GBE1: variants seen among roughly 807,000 people sequenced by gnomAD.
GBE1 encodes 1,4-alpha-glucan branching enzyme 1.
In GBE1, 70 loss-of-function variants were observed where a neutral mutation model predicts 88.8. That is an observed-to-expected ratio of 0.79 (90% confidence interval 0.65 to 0.96). GBE1 has a LOEUF of 0.96. GBE1 is among the 40% of genes least tolerant of loss of function. The probability of loss-of-function intolerance (pLI) is 0.00; values close to 1 mark genes in which losing one functional copy is unlikely to be tolerated. For synonymous variants in GBE1, 284 were observed against 300.1 expected, an observed-to-expected ratio of 0.95 and a Z score of 0.56; for missense variants, 872 against 871.0, an observed-to-expected ratio of 1.00 and a Z score of -0.01.
chr3:81,541,719 A>C (rs1216799256), intron 12 of GBE1, among the ~76,000 whole-genome samples: 4 of 152,084 alleles, frequency 2.6e-5, no homozygotes, highest in Non-Finnish European at 1.5e-5. Context: ...ACTTCCCAGC[A>C]TCCAGACTAT....
At chr3:81,589,953 G>GA (rs1025647601) in intron 9 of GBE1, among the ~76,000 whole-genome samples, 28 of 151,930 alleles carry the variant, frequency 1.8e-4, no homozygotes, top group African/African-American at 6.5e-4. Flanking sequence ...TCATGACTGT[G>GA]AAAAAATACT....
At chr3:81,597,082 T>A (rs1359804386) in intron 7 of GBE1, among the ~76,000 whole-genome samples, 1 of 151,894 alleles carries the variant, frequency 6.6e-6, no homozygotes, top group African/African-American at 2.4e-5. Context: ...TAGTAGTAAA[T>A]GAACTGAATC....
At chr3:81,680,876 C>T (rs541805283) in intron 2 of GBE1, among the ~76,000 whole-genome samples, 1 of 152,356 alleles carries the variant, frequency 6.6e-6, no homozygotes, top group East Asian at 1.9e-4. Flanking sequence ...AGGGCTCACA[C>T]CAGAACCCAA....
chr3:81,579,704 T>G (rs1246306278), intron 11 of GBE1, among the ~76,000 whole-genome samples: 2 of 151,956 alleles, frequency 1.3e-5, no homozygotes, highest in Non-Finnish European at 2.9e-5. Context: ...TATTCTTTTC[T>G]AGATTGGGTT....
chr3:81,755,495 AG>A (rs1706589986), intron 1 of GBE1, among the ~76,000 whole-genome samples: 1 of 152,212 alleles, frequency 6.6e-6, no homozygotes, highest in Non-Finnish European at 1.5e-5. Flanking sequence ...AAATAAAATC[AG>A]TATGTTGAAA....
chr3:81,687,608 T>C (rs1352123627), intron 2 of GBE1, among the ~76,000 whole-genome samples: 2 of 151,978 alleles, frequency 1.3e-5, no homozygotes, highest in Non-Finnish European at 2.9e-5. Flanking sequence ...AGGCTCGGGG[T>C]GTGCAAATGA....
chr3:81,647,206 C>T (rs1704777817), intron 5 of GBE1, among the ~76,000 whole-genome samples: 1 of 152,130 alleles, frequency 6.6e-6, no homozygotes, highest in African/African-American at 2.4e-5. Flanking sequence ...GATCCACCCA[C>T]CTCAGCCTCC....
chr3:81,696,284 A>G (rs1705591899), intron 2 of GBE1, among the ~76,000 whole-genome samples: 3 of 152,216 alleles, frequency 2.0e-5, no homozygotes, highest in Admixed American at 6.5e-5. Context: ...ACAATGCTGT[A>G]CAGCTTTGAC....
At chr3:81,530,050 A>T (rs1163915268) in intron 14 of GBE1, among the ~76,000 whole-genome samples, 1 of 151,632 alleles carries the variant, frequency 6.6e-6, no homozygotes, top group Non-Finnish European at 1.5e-5. Context: ...GCATTTTCAC[A>T]TACCTTGTCT....
chr3:81,522,590 C>T (rs1702891008), intron 14 of GBE1, among the ~76,000 whole-genome samples: 1 of 151,560 alleles, frequency 6.6e-6, no homozygotes, highest in Non-Finnish European at 1.5e-5. Flanking sequence ...ATACAATTCT[C>T]CCATTACCTA....
chr3:81,557,022 A>G (rs1216973626), intron 12 of GBE1, among the ~76,000 whole-genome samples: 2 of 152,100 alleles, frequency 1.3e-5, no homozygotes, highest in Non-Finnish European at 2.9e-5. Context: ...ATGCCCAGTA[A>G]AATAGGTACC....
chr3:81,734,493 T>G (rs527870711), intron 1 of GBE1, among the ~76,000 whole-genome samples: 13 of 152,330 alleles, frequency 8.5e-5, no homozygotes, highest in Middle Eastern at 3.4e-3. Flanking sequence ...ATTACCAACT[T>G]TAAAGCACAG....
chr3:81,638,860 G>A (rs970705555), intron 7 of GBE1, among the ~76,000 whole-genome samples: 2 of 152,118 alleles, frequency 1.3e-5, no homozygotes, highest in African/African-American at 4.8e-5. Context: ...AGGATAAAAT[G>A]AGCATCAGCA....
intron 14 of GBE1, among the ~76,000 whole-genome samples, chr3:81,531,659 T>C (rs1576135302): frequency 6.6e-6 from 1 of 151,928 alleles, no homozygotes; most frequent in Non-Finnish European, 1.5e-5. Context: ...TTCAGATCTC[T>C]GCTTGGTGTT....
rs73853448 is a variant in GBE1 at position 81,627,245 on chromosome 3, T to C, written c.992+15536A>G. Among the ~76,000 whole-genome samples, 830 of 152,318 alleles carry C rather than the reference T, an allele frequency of 5.4e-3. 2 individuals are homozygous for C. Among genetic ancestry groups the C allele is most frequent in the African/African-American group, 0.019 (794 of 41,570 alleles). ...TTAAGGAAGAGGATTATAAGATCTA[T>C]ATTCTAATTTGGGAGAATTAGCATA... is the stretch of plus-strand genomic sequence containing the variant. On this transcript the variant is annotated intron_variant, in intron 7 of 15. Transcript: ENST00000429644.
At chr3:81,512,425 A>G (rs982736916) in intron 14 of GBE1, among the ~76,000 whole-genome samples, 4 of 151,898 alleles carry the variant, frequency 2.6e-5, no homozygotes, top group Non-Finnish European at 4.4e-5. Flanking sequence ...AAATTTTTCC[A>G]CTAACATTCA....
At chr3:81,647,347 T>C (rs1035610830) in intron 5 of GBE1, among the ~76,000 whole-genome samples, 3 of 152,202 alleles carry the variant, frequency 2.0e-5, no homozygotes, top group Non-Finnish European at 4.4e-5. Flanking sequence ...GTTGCATATA[T>C]GCATGTATGT....
At chr3:81,719,817 C>A in intron 1 of GBE1, among the ~76,000 whole-genome samples, 1 of 152,006 alleles carries the variant, frequency 6.6e-6, no homozygotes. Flanking sequence ...AATTTTTTTA[C>A]CTAAAACAAT....
At chr3:81,613,417 G>T (rs750510397) in intron 7 of GBE1, among the ~76,000 whole-genome samples, 15 of 152,074 alleles carry the variant, frequency 9.9e-5, no homozygotes, top group Admixed American at 2.0e-4. Flanking sequence ...CTGTGTAGTA[G>T]TGCATACAAT....
Sources: gnomAD v4.1 joint callset for allele counts (sites outside exome capture counted in the v4.1 genomes callset) on GRCh38, gnomAD v4.1.1 for gene constraint, MANE v1.5 for transcripts, NCBI Gene and HGNC (gene_info 2026-07-23, HGNC 2026-07-21) for gene names.